The following SLC14A2 variants were observed in gnomAD, a reference collection of about 807,000 sequenced individuals.
SLC14A2 encodes urea transporter 2.
A neutral mutation model predicts 104.6 loss-of-function variants in SLC14A2; 91 were observed. The observed-to-expected ratio is 0.87, with a 90% CI of 0.73 to 1.04. SLC14A2 has a LOEUF of 1.04. Among genes scored for constraint, SLC14A2 ranks in the 50% least tolerant of loss-of-function variants. SLC14A2 has a pLI of 0.00. For synonymous variants in SLC14A2, 476 were observed against 466.4 expected, an observed-to-expected ratio of 1.02 and a Z score of -0.27; for missense variants, 1,189 against 1,156.0, an observed-to-expected ratio of 1.03 and a Z score of -0.41.
At chr18:45,531,493 G>A (rs181483309) in intron 2 of SLC14A2, among the ~76,000 whole-genome samples, 53,366 of 152,048 alleles carry the variant, frequency 0.35, 9,421 homozygotes, top group Non-Finnish European at 0.37. Flanking sequence ...CTGCATAAAT[G>A]TCTTCTTTTG....
chr18:45,358,564 A>G lies in SLC14A2; in HGVS notation c.-124-124669A>G, dbSNP rs565236264. ...CACTCATAAAACTCGACTTACTTCA[A>G]GTAGCCTTTCTTTCCCCATAATTTT... On this transcript the variant is annotated intron_variant, in intron 1 of 20. Coordinates refer to the SLC14A2 transcript ENST00000586448. Among the ~76,000 whole-genome samples, 23 of 152,226 alleles carry G rather than the reference A, an allele frequency of 1.5e-4. No homozygotes were observed. In the South Asian group the frequency reaches 2.3e-3, roughly 15 times the overall value.
chr18:45,523,086 G>A (rs1478134209), intron 2 of SLC14A2, among the ~76,000 whole-genome samples: 2 of 152,164 alleles, frequency 1.3e-5, no homozygotes, highest in Admixed American at 6.5e-5. Flanking sequence ...TCACTGGTGG[G>A]GTGTGGGGTG....
At chr18:45,259,743 G>A (rs1317670858) in intron 1 of SLC14A2, among the ~76,000 whole-genome samples, 4 of 152,220 alleles carry the variant, frequency 2.6e-5, no homozygotes, top group East Asian at 1.9e-4. Context: ...AACGAGAAGG[G>A]TAATATTTTA....
chr18:45,657,248 G>C (rs1007889701), intron 10 of SLC14A2, among the ~76,000 whole-genome samples: 2 of 152,086 alleles, frequency 1.3e-5, no homozygotes, highest in Non-Finnish European at 2.9e-5. Flanking sequence ...GAAGCGGGTG[G>C]ATCACCTGAG....
intron 1 of SLC14A2, among the ~76,000 whole-genome samples, chr18:45,458,937 A>T (rs2086992507): frequency 2.0e-5 from 3 of 152,326 alleles, no homozygotes; most frequent in Admixed American, 6.5e-5. Context: ...TATACTTTGG[A>T]GGTAAAAATG....
chr18:45,513,208 C>T (rs1235269801), intron 2 of SLC14A2, among the ~76,000 whole-genome samples: 1 of 152,164 alleles, frequency 6.6e-6, no homozygotes, highest in African/African-American at 2.4e-5. Flanking sequence ...TTATATACCA[C>T]CCTCTCCCCA....
chr18:45,173,166 A>G, the SLC14A2 span, among the ~76,000 whole-genome samples: 1 of 152,170 alleles, frequency 6.6e-6, no homozygotes, highest in Admixed American at 6.6e-5. Context: ...TGTCAGGGAT[A>G]CTGTATAAGA....
At chr18:45,643,903 T>C (rs1038778395) in intron 9 of SLC14A2, 83 bp from the exon 10 acceptor site, 5 of 1,211,490 alleles carry the variant, frequency 4.1e-6, no homozygotes, top group Non-Finnish European at 5.9e-6. Context: ...CCTCAACGCC[T>C]GTCACATCCT....
Position 45,674,139 on chromosome 18 carries a change from C to T in SLC14A2, c.2512+322C>T, listed in dbSNP as rs529363734. On this transcript the variant is annotated intron_variant, in intron 18 of 19. Transcript: ENST00000255226. Reference sequence around the variant, plus strand: ...TAAGCATTCAAACATTAACCACAGACCCTTCAAATGACTCCTCTTTGTTAT... The same window carrying T: ...TAAGCATTCAAACATTAACCACAGATCCTTCAAATGACTCCTCTTTGTTAT... Among the ~76,000 whole-genome samples, 3 of 152,280 alleles carry T rather than the reference C, an allele frequency of 2.0e-5. No homozygotes were observed. In the East Asian group the frequency reaches 5.8e-4, roughly 29 times the overall value.
At chr18:45,648,494 C>G (rs62090614) in intron 10 of SLC14A2, among the ~76,000 whole-genome samples, 7 of 149,700 alleles carry the variant, frequency 4.7e-5, no homozygotes, top group Admixed American at 4.6e-4. Flanking sequence ...CATGAGCCAC[C>G]ACGCCCGGCC....
the SLC14A2 span, among the ~76,000 whole-genome samples, chr18:45,195,774 C>T: frequency 2.0e-5 from 3 of 152,030 alleles, no homozygotes; most frequent in African/African-American, 7.2e-5. Flanking sequence ...TCATATTCAA[C>T]ATCTCTTAAA....
intron 1 of SLC14A2, among the ~76,000 whole-genome samples, chr18:45,395,227 G>A (rs1404203505): frequency 6.6e-6 from 1 of 152,196 alleles, no homozygotes; most frequent in Non-Finnish European, 1.5e-5. Flanking sequence ...TCCTGTCATA[G>A]GCTATAATAT....
intron 1 of SLC14A2, among the ~76,000 whole-genome samples, chr18:45,378,407 G>A (rs113692218): frequency 1.3e-5 from 2 of 152,298 alleles, no homozygotes; most frequent in African/African-American, 4.8e-5. Flanking sequence ...ATTGAGCTTG[G>A]ATGGCCATCC....
chr18:45,416,873 C>T (rs2086283498), intron 1 of SLC14A2, among the ~76,000 whole-genome samples: 1 of 152,162 alleles, frequency 6.6e-6, no homozygotes, highest in Non-Finnish European at 1.5e-5. Flanking sequence ...TTTTAATACA[C>T]ACCCAGAAAT....
intron 4 of SLC14A2, among the ~76,000 whole-genome samples, chr18:45,632,078 C>T (rs934656793): frequency 6.6e-6 from 1 of 152,122 alleles, no homozygotes; most frequent in Non-Finnish European, 1.5e-5. Context: ...TAAAGAAGAG[C>T]TTAACCACAG....
At chr18:45,535,086 AC>A (rs576773240) in intron 2 of SLC14A2, among the ~76,000 whole-genome samples, 126 of 152,284 alleles carry the variant, frequency 8.3e-4, no homozygotes, top group African/African-American at 2.9e-3. Context: ...TGAAGAGGCA[AC>A]CAAAAAGCTC....
chr18:45,353,391 G>C (rs2085521529), intron 1 of SLC14A2, among the ~76,000 whole-genome samples: 1 of 152,232 alleles, frequency 6.6e-6, no homozygotes, highest in Admixed American at 6.5e-5. Flanking sequence ...GTGGGAACCA[G>C]AGATTTCCAT....
intron 1 of SLC14A2, among the ~76,000 whole-genome samples, chr18:45,262,841 A>G (rs549325542): frequency 1.1e-4 from 17 of 152,186 alleles, no homozygotes; most frequent in Non-Finnish European, 2.4e-4. Context: ...ACAGTGACAG[A>G]CCCCTGAGAC....
intron 7 of SLC14A2, among the ~76,000 whole-genome samples, chr18:45,640,191 A>G (rs4890561): frequency 0.99 from 150,360 of 151,808 alleles, 74,465 homozygotes; most frequent in East Asian, 1. Context: ...CAGGAGAATC[A>G]CTTGAACCCA....
Sources: gnomAD v4.1 joint callset for allele counts (sites outside exome capture counted in the v4.1 genomes callset) on GRCh38, gnomAD v4.1.1 for gene constraint, MANE v1.5 for transcripts, NCBI Gene and HGNC (gene_info 2026-07-23, HGNC 2026-07-21) for gene names.